The following C6orf132 variants were observed in gnomAD, a reference collection of about 807,000 sequenced individuals.
The protein encoded by C6orf132 is uncharacterized protein C6orf132.
In C6orf132, 43 loss-of-function variants were observed where a neutral mutation model predicts 65.3. The ratio of observed to expected loss-of-function variants is 0.66; its 90% CI spans 0.52 to 0.85. The LOEUF is 0.85. Among genes scored for constraint, C6orf132 ranks in the 40% least tolerant of loss-of-function variants. The probability of loss-of-function intolerance (pLI) is 0.00; values close to 1 mark genes in which losing one functional copy is unlikely to be tolerated. For synonymous variants in C6orf132, 631 were observed against 654.1 expected, an observed-to-expected ratio of 0.96 and a Z score of 0.54; for missense variants, 1,488 against 1,548.8, an observed-to-expected ratio of 0.96 and a Z score of 0.66.
In C6orf132 at chr6:42,102,088, T is replaced by C. The variant is rs972934640; in HGVS notation, c.*1673A>G. On this transcript the variant is annotated 3_prime_UTR_variant, in exon 5 of 5. Transcript: ENST00000341865. Reference sequence around the variant, plus strand: ...AAGGAATATTGTTTCCTGATATGTTTGGTGATCACAGCATCTAAACCAGGA... The same window carrying C: ...AAGGAATATTGTTTCCTGATATGTTCGGTGATCACAGCATCTAAACCAGGA... The C allele has an allele frequency of 1.4e-4, 22 of 152,150 alleles. No individual in the cohort carries two copies. The highest frequency in any genetic ancestry group is 1.1e-3 in the Admixed American group (17 of 15,276). The allele number at this position is 152,150 out of a possible 1,614,324, so 9.4% of individuals were successfully genotyped here. A position where few individuals can be genotyped will look rare whatever the true frequency, so the allele number is the denominator to read the frequency against.
chr6:42,123,602 GGAA>G (rs369574940), intron 2 of C6orf132, among the ~76,000 whole-genome samples: 4 of 149,254 alleles, frequency 2.7e-5, no homozygotes, highest in East Asian at 1.9e-4. Context: ...GAAGAAAGAA[GGAA>G]GAAGAAGAAG....
chr6:42,114,403 G>A (rs979018731), intron 2 of C6orf132, among the ~76,000 whole-genome samples: 28 of 149,486 alleles, frequency 1.9e-4, no homozygotes, highest in Admixed American at 1.1e-3. Context: ...CCCCTGTCTG[G>A]CCCTTTTCTT....
At chr6:42,120,521 C>G (rs865976321) in intron 2 of C6orf132, among the ~76,000 whole-genome samples, 2 of 152,078 alleles carry the variant, frequency 1.3e-5, no homozygotes, top group Non-Finnish European at 2.9e-5. Flanking sequence ...GCTGGGATTA[C>G]AGGCTTGAGC....
Position 42,103,752 on chromosome 6 carries a change from A to C in C6orf132, c.*9T>G. ...AGTTTGTTGGAGTAGAGCTAAGAGA[A>C]CCCCTGGCTCAGGAGGTGGCTTTCC... On this transcript the variant is annotated 3_prime_UTR_variant, in exon 5 of 5. Coordinates refer to ENST00000341865, the MANE Select transcript of C6orf132 (RefSeq NM_001164446.3). 7.3e-7 allele frequency: 1 copy of C among 1,376,290 alleles called. No homozygotes were observed. The highest frequency in any genetic ancestry group is 1.6e-5 in the South Asian group (1 of 61,010). 85.3% of individuals were successfully genotyped at this position (1,376,290 alleles called of 1,614,324 possible).
At chr6:42,130,749 A>G (rs1327352164) in intron 1 of C6orf132, among the ~76,000 whole-genome samples, 1 of 152,194 alleles carries the variant, frequency 6.6e-6, no homozygotes, top group Non-Finnish European at 1.5e-5. Context: ...AATAAAAGGT[A>G]AAAACTTACT....
intron 2 of C6orf132, among the ~76,000 whole-genome samples, chr6:42,117,487 C>T (rs4579355): frequency 0.49 from 74,756 of 151,720 alleles, 19,193 homozygotes; most frequent in African/African-American, 0.63. Context: ...GAGTTGATGA[C>T]TGTAGTCCCT....
chr6:42,128,865 G>A, intron 1 of C6orf132, 87 bp from the exon 2 acceptor site: 2 of 953,058 alleles, frequency 2.1e-6, no homozygotes, highest in South Asian at 1.4e-5. Context: ...AGCTCCCAGT[G>A]AGGAAAGCCA....
At chr6:42,126,875 C>T (rs910349836) in intron 2 of C6orf132, 2 of 421,488 alleles carry the variant, frequency 4.7e-6, no homozygotes, top group South Asian at 4.4e-5. Context: ...ATATTTCAAA[C>T]AATTTTATCT....
rs1428091410 is a variant in C6orf132 at position 42,103,787 on chromosome 6, C to G, written c.3541G>C (p.Gly1181Arg). ...TRHPISYVCS[G>R]AHRKATS is the part of the protein sequence containing the mutation. ...CAGGAGGTGGCTTTCCGATGGGCCCCTGAGCAGACATAGGAGATGGGATGG... is the reference window on the plus strand; with the variant it reads ...CAGGAGGTGGCTTTCCGATGGGCCCGTGAGCAGACATAGGAGATGGGATGG... The change falls in exon 5 of 5, where the codon GGG becomes CGG. Residue 1181 changes from glycine (G) to arginine (R), a missense_variant. Physicochemically the swap from Gly to Arg is moderately radical, Grantham distance 125. Coordinates refer to ENST00000341865, the MANE Select transcript of C6orf132 (RefSeq NM_001164446.3). 1.0e-5 allele frequency: 15 copies of G among 1,464,542 alleles called. No homozygotes were observed. The highest frequency in any genetic ancestry group is 1.3e-5 in the Non-Finnish European group (14 of 1,109,860). The allele number at this position is 1,464,542 out of a possible 1,614,324, so 90.7% of individuals were successfully genotyped here.
chr6:42,127,474 C>A (rs191464362), intron 2 of C6orf132, among the ~76,000 whole-genome samples: 42 of 152,156 alleles, frequency 2.8e-4, no homozygotes, highest in Non-Finnish European at 4.0e-4. Context: ...CAGAAAAAAA[C>A]CGGTGATGGG....
intron 2 of C6orf132, among the ~76,000 whole-genome samples, chr6:42,123,433 GAGAAGGAGAAGAAGGAGA>G (rs1207774413): frequency 1.4e-4 from 10 of 71,210 alleles, no homozygotes; most frequent in South Asian, 3.5e-4. Flanking sequence ...AAAGGAGAAG[GAGAAGGAGAAGAAGGAGA>G]AGAAGGAGAA....
intron 1 of C6orf132, among the ~76,000 whole-genome samples, chr6:42,134,124 C>T (rs926075535): frequency 4.6e-5 from 7 of 152,128 alleles, no homozygotes; most frequent in African/African-American, 1.7e-4. Context: ...ACCCAGTAGT[C>T]GAACAGCTCC....
At chr6:42,108,773 A>G (rs1418839590) in intron 3 of C6orf132, among the ~76,000 whole-genome samples, 3 of 152,032 alleles carry the variant, frequency 2.0e-5, no homozygotes, top group African/African-American at 7.2e-5. Context: ...CCCAGAGTCT[A>G]CTTCCTTCTT....
intron 1 of C6orf132, among the ~76,000 whole-genome samples, chr6:42,137,330 C>T (rs1046492546): frequency 1.3e-5 from 2 of 152,122 alleles, no homozygotes; most frequent in Non-Finnish European, 2.9e-5. Context: ...AATGGGGCGG[C>T]GGAGGGTGTA....
intron 2 of C6orf132, among the ~76,000 whole-genome samples, chr6:42,115,436 G>C (rs927203108): frequency 3.3e-5 from 5 of 151,778 alleles, no homozygotes; most frequent in African/African-American, 1.2e-4. Flanking sequence ...CATGAGGTCA[G>C]GAGATTGAGA....
At position 42,107,500 on chromosome 6, in the gene C6orf132, G is replaced by A. The variant is rs543982499; in HGVS notation, c.412C>T (p.Leu138Phe). The A allele has an allele frequency of 3.2e-6, 5 of 1,549,336 alleles. 1 individual carries two copies. In the South Asian group the frequency reaches 3.6e-5, roughly 11 times the overall value. The part of the protein sequence containing the change: ...LRPGQYGQDL[L>F]IPPPPPGPAP... The stretch of plus-strand genomic sequence containing the variant: ...GGGCCTGGGGGAGGTGGGGGGATGA[G>A]TAGATCCTGGCCATATTGTCCAGGC... Residue 138 changes from leucine (L) to phenylalanine (F), a missense_variant, in exon 4 of 5, where the codon CTC becomes TTC. Transcript: ENST00000341865.
In C6orf132 at chr6:42,103,456, A is replaced by G. The variant is rs994711435; in HGVS notation, c.*305T>C. The G allele has an allele frequency of 1.0e-5, 4 of 390,496 alleles. No homozygotes were observed. The highest frequency in any genetic ancestry group is 1.8e-5 in the Non-Finnish European group (4 of 221,784). 24.2% of individuals were successfully genotyped at this position (390,496 alleles called of 1,614,324 possible). A position where few individuals can be genotyped will look rare whatever the true frequency, so the allele number is the denominator to read the frequency against. ...TTTTAAATAACTCTTGCTAAAGCAG[A>G]TAGTACCAGAGAGCAGAAACTCAGC... On this transcript the variant is annotated 3_prime_UTR_variant, in exon 5 of 5. Transcript: ENST00000341865.
chr6:42,140,073 C>G (rs1767008406), intron 1 of C6orf132, among the ~76,000 whole-genome samples: 2 of 152,252 alleles, frequency 1.3e-5, no homozygotes, highest in South Asian at 4.1e-4. Flanking sequence ...AGTGGCACCC[C>G]AGGGAACACC....
At chr6:42,131,335 A>G (rs187128449) in intron 1 of C6orf132, among the ~76,000 whole-genome samples, 59 of 152,322 alleles carry the variant, frequency 3.9e-4, no homozygotes, top group Admixed American at 3.2e-3. Context: ...AGCACCTTTA[A>G]TGGTCTGGGC....
Sources: allele counts gnomAD v4.1 joint callset (sites outside exome capture counted in the v4.1 genomes callset), GRCh38; gene constraint gnomAD v4.1.1; transcripts MANE v1.5; gene names NCBI Gene and HGNC (gene_info 2026-07-23, HGNC 2026-07-21).